Variants in SSH2 observed in about 807,000 individuals in gnomAD.
SSH2 encodes protein phosphatase Slingshot homolog 2.
Under a neutral mutation model 135.2 loss-of-function variants are expected in SSH2, and 37 were observed. The observed-to-expected ratio is 0.27, with a 90% CI of 0.21 to 0.36. SSH2 has a LOEUF of 0.36. SSH2 is among the 10% of genes least tolerant of loss of function. The pLI is 1.00. For synonymous variants in SSH2, 628 were observed against 646.2 expected, an observed-to-expected ratio of 0.97 and a Z score of 0.43; for missense variants, 1,408 against 1,765.3, an observed-to-expected ratio of 0.80 and a Z score of 3.63.
chr17:29,848,817 C>A, intron 2 of SSH2, 32 bp downstream of exon 2: 1 of 1,390,080 alleles, frequency 7.2e-7, no homozygotes, highest in Non-Finnish European at 9.8e-7. Context: ...CTTGAATCAC[C>A]AAAGTCTGTA....
At chr17:29,765,603 G>C (rs1406795703) in intron 3 of SSH2, among the ~76,000 whole-genome samples, 3 of 152,158 alleles carry the variant, frequency 2.0e-5, no homozygotes, top group Non-Finnish European at 4.4e-5. Context: ...AAGTGGCAAT[G>C]ATGCTGATAT....
At chr17:29,635,642 T>C (rs1269332029) in intron 15 of SSH2, among the ~76,000 whole-genome samples, 1 of 152,084 alleles carries the variant, frequency 6.6e-6, no homozygotes. Context: ...TCTCCTGACC[T>C]TGTGATCCGC....
At chr17:29,852,629 G>A (rs1223517566) in intron 1 of SSH2, among the ~76,000 whole-genome samples, 1 of 150,832 alleles carries the variant, frequency 6.6e-6, no homozygotes, top group Non-Finnish European at 1.5e-5. Flanking sequence ...TTTGCTCTCT[G>A]CAACCTCCGC....
intron 3 of SSH2, among the ~76,000 whole-genome samples, chr17:29,789,701 G>C (rs1257787369): frequency 1.3e-5 from 2 of 152,184 alleles, no homozygotes; most frequent in Non-Finnish European, 2.9e-5. Context: ...CTGAGCTGAA[G>C]GGGCAGGGCC....
intron 3 of SSH2, chr17:29,716,396 A>C: frequency 1.8e-6 from 1 of 557,844 alleles, no homozygotes; most frequent in Non-Finnish European, 3.3e-6. Flanking sequence ...CACATTAATT[A>C]GAGTGCTTAA....
At chr17:29,925,880 T>A (rs2067054804) in intron 1 of SSH2, among the ~76,000 whole-genome samples, 1 of 152,134 alleles carries the variant, frequency 6.6e-6, no homozygotes, top group Non-Finnish European at 1.5e-5. Flanking sequence ...GTTTTGTCCA[T>A]TAAAAGTTAA....
At chr17:29,712,443 T>G (rs567302553) in intron 3 of SSH2, among the ~76,000 whole-genome samples, 61 of 152,222 alleles carry the variant, frequency 4.0e-4, no homozygotes, top group Non-Finnish European at 8.2e-4. Context: ...TTCTCTAAGT[T>G]TGGTCCTCTA....
chr17:29,734,100 G>A (rs918776355), intron 3 of SSH2, among the ~76,000 whole-genome samples: 13 of 151,850 alleles, frequency 8.6e-5, no homozygotes, highest in African/African-American at 2.9e-4. Context: ...TGTATTAGTC[G>A]GAGATGGTGA....
intron 2 of SSH2, among the ~76,000 whole-genome samples, chr17:29,819,729 A>T (rs995212515): frequency 1.3e-5 from 2 of 152,198 alleles, no homozygotes. Context: ...GATAATTTCC[A>T]ATTTTCCTAT....
intron 2 of SSH2, among the ~76,000 whole-genome samples, chr17:29,844,011 A>T (rs1015148774): frequency 1.3e-5 from 2 of 152,206 alleles, no homozygotes; most frequent in Admixed American, 1.3e-4. Flanking sequence ...AATAATTCTT[A>T]CATTTTAGAC....
At chr17:29,785,181 A>T (rs551774315) in intron 3 of SSH2, among the ~76,000 whole-genome samples, 1 of 152,152 alleles carries the variant, frequency 6.6e-6, no homozygotes, top group Non-Finnish European at 1.5e-5. Context: ...CAAAAAAAGT[A>T]TAATATATTA....
At chr17:29,785,805 C>CTTT (rs748367220) in intron 3 of SSH2, among the ~76,000 whole-genome samples, 48,275 of 124,810 alleles carry the variant, frequency 0.39, 9,614 homozygotes, top group Non-Finnish European at 0.43. Context: ...AGTCCGTTTA[C>CTTT]TTTTTTTTTT....
intron 3 of SSH2, among the ~76,000 whole-genome samples, chr17:29,748,359 C>T (rs2040826697): frequency 6.6e-6 from 1 of 152,184 alleles, no homozygotes; most frequent in South Asian, 2.1e-4. Context: ...AGAAGATTCA[C>T]TAGATGTAAA....
intron 1 of SSH2, among the ~76,000 whole-genome samples, chr17:29,917,874 A>C (rs2066911495): frequency 6.6e-6 from 1 of 151,920 alleles, no homozygotes; most frequent in Non-Finnish European, 1.5e-5. Context: ...TAAATAAATA[A>C]ATTTTAAAAA....
chr17:29,669,881 CTTTT>C (rs571124019), intron 9 of SSH2, among the ~76,000 whole-genome samples: 2 of 133,026 alleles, frequency 1.5e-5, no homozygotes, highest in Non-Finnish European at 1.6e-5. Flanking sequence ...CTAATAAAAT[CTTTT>C]TTTTTTTTTT....
chr17:29,738,334 A>C (rs1598908057), intron 3 of SSH2, among the ~76,000 whole-genome samples: 1 of 152,128 alleles, frequency 6.6e-6, no homozygotes, highest in African/African-American at 2.4e-5. Flanking sequence ...TCATTGATGG[A>C]CATTTGGGTT....
At chr17:29,845,920 G>T (rs181907481) in intron 2 of SSH2, among the ~76,000 whole-genome samples, 2 of 152,026 alleles carry the variant, frequency 1.3e-5, no homozygotes, top group South Asian at 2.1e-4. Flanking sequence ...TTCCCCACGC[G>T]TCCAACTTCA....
chr17:29,843,461 G>C (rs1345790079), intron 2 of SSH2, among the ~76,000 whole-genome samples: 3 of 152,022 alleles, frequency 2.0e-5, no homozygotes, highest in African/African-American at 7.3e-5. Flanking sequence ...AGAGACTGAG[G>C]CATGAGAATC....
At chr17:29,669,051 C>T (rs2037386508) in intron 9 of SSH2, among the ~76,000 whole-genome samples, 2 of 152,114 alleles carry the variant, frequency 1.3e-5, no homozygotes, top group South Asian at 4.1e-4. Context: ...GAGTTCGAGA[C>T]CAGCCTAGCC....
Sources: gnomAD v4.1 joint callset for allele counts (sites outside exome capture counted in the v4.1 genomes callset) on GRCh38, gnomAD v4.1.1 for gene constraint, MANE v1.5 for transcripts, NCBI Gene and HGNC (gene_info 2026-07-23, HGNC 2026-07-21) for gene names.